Variants in EYS observed in about 807,000 individuals in gnomAD.
The protein encoded by EYS is protein eyes shut homolog.
Under a neutral mutation model 282.1 loss-of-function variants are expected in EYS, and 250 were observed. The observed-to-expected ratio is 0.89, with a 90% CI of 0.80 to 0.98. EYS has a LOEUF of 0.98. Ranked by LOEUF, EYS falls within the 50% of genes least tolerant of loss-of-function variation. The pLI, the probability that EYS is intolerant of heterozygous loss-of-function variation, is 0.00. For synonymous variants in EYS, 1,355 were observed against 1,282.9 expected (o/e 1.06, Z -1.20); for missense variants, 4,016 against 3,709.0 (o/e 1.08, Z -2.15).
intron 12 of EYS, among the ~76,000 whole-genome samples, chr6:65,285,697 T>C (rs547598370): frequency 7.9e-5 from 12 of 152,100 alleles, no homozygotes; most frequent in African/African-American, 2.9e-4. Context: ...TCAACAAATA[T>C]GACTGTATTA....
chr6:64,538,677 T>C (rs1309384860), intron 26 of EYS, among the ~76,000 whole-genome samples: 1 of 152,184 alleles, frequency 6.6e-6, no homozygotes, highest in Non-Finnish European at 1.5e-5. Context: ...CTAAGTGCAC[T>C]TATTGTGTCC....
At chr6:63,847,395 C>T (rs534031159) in intron 36 of EYS, among the ~76,000 whole-genome samples, 2 of 152,254 alleles carry the variant, frequency 1.3e-5, no homozygotes, top group Non-Finnish European at 2.9e-5. Flanking sequence ...TCTCCTCTTC[C>T]TTCCTCTCCC....
intron 8 of EYS, among the ~76,000 whole-genome samples, chr6:65,367,565 G>A (rs191535528): frequency 8.6e-5 from 13 of 151,438 alleles, no homozygotes; most frequent in Non-Finnish European, 1.6e-4. Context: ...TAATTTGAAT[G>A]AATTAATCTA....
At chr6:63,848,998 G>T (rs150972835) in intron 36 of EYS, among the ~76,000 whole-genome samples, 246 of 152,324 alleles carry the variant, frequency 1.6e-3, no homozygotes, top group African/African-American at 5.7e-3. Flanking sequence ...CTTCGTCGGA[G>T]GAGGAGGGTT....
At chr6:64,716,782 A>T (rs563554427) in intron 22 of EYS, among the ~76,000 whole-genome samples, 2 of 152,126 alleles carry the variant, frequency 1.3e-5, no homozygotes, top group East Asian at 1.9e-4. Context: ...TTTTCTTTTG[A>T]AAAACTCCAA....
intron 22 of EYS, among the ~76,000 whole-genome samples, chr6:64,766,965 A>G (rs2149982953): frequency 1.3e-5 from 2 of 151,970 alleles, no homozygotes; most frequent in South Asian, 4.2e-4. Flanking sequence ...TTTTAAGTCT[A>G]CAGATCATTG....
At chr6:64,463,107 C>T (rs769785440) in intron 26 of EYS, among the ~76,000 whole-genome samples, 15 of 151,776 alleles carry the variant, frequency 9.9e-5, no homozygotes, top group African/African-American at 1.9e-4. Context: ...CCACCACGCC[C>T]GGCTATTTAT....
chr6:64,690,263 C>G (rs936993446), intron 22 of EYS, among the ~76,000 whole-genome samples: 1 of 152,066 alleles, frequency 6.6e-6, no homozygotes, highest in African/African-American at 2.4e-5. Flanking sequence ...AAATGCAAAT[C>G]AAAACCACGA....
intron 5 of EYS, among the ~76,000 whole-genome samples, chr6:65,445,639 T>A (rs140183995): frequency 3.3e-5 from 5 of 151,906 alleles, no homozygotes; most frequent in African/African-American, 1.2e-4. Context: ...CATTGGTTAA[T>A]AAGATGTGTA....
intron 35 of EYS, among the ~76,000 whole-genome samples, chr6:63,891,737 G>C (rs1251459601): frequency 2.0e-5 from 3 of 152,088 alleles, no homozygotes; most frequent in African/African-American, 7.2e-5. Context: ...CTGGCCAGGG[G>C]AATCAGGCAA....
rs539551588 is a variant in EYS, at chr6:64,571,796, C to T, written c.5644+18427G>A. On this transcript the variant is annotated intron_variant, in intron 26 of 42. Coordinates refer to ENST00000503581, the MANE Select transcript of EYS (RefSeq NM_001142800.2). ...TGAGGCAGTAATTAATAGCCTACAA[C>T]GAAAAAATGCCCAGGATCAGATCGA... Among the ~76,000 whole-genome samples, 62 of 152,068 alleles carry T rather than the reference C, an allele frequency of 4.1e-4. 1 individual carries two copies. Among genetic ancestry groups the T allele is most frequent in the South Asian group, 2.7e-3 (13 of 4,820 alleles).
chr6:65,318,472 C>T (rs570819591), intron 11 of EYS, among the ~76,000 whole-genome samples: 2,306 of 147,630 alleles, frequency 0.016, 35 homozygotes, highest in African/African-American at 0.054. Flanking sequence ...TACTCGGAGG[C>T]AGGCAGGGTC....
chr6:64,797,156 T>C (rs146607038), intron 22 of EYS, among the ~76,000 whole-genome samples: 5 of 152,102 alleles, frequency 3.3e-5, no homozygotes, highest in Non-Finnish European at 7.4e-5. Context: ...ACATATGCTA[T>C]GCAGAGTTTG....
intron 33 of EYS, among the ~76,000 whole-genome samples, chr6:64,014,197 C>T (rs1562150961): frequency 6.6e-6 from 1 of 151,896 alleles, no homozygotes; most frequent in African/African-American, 2.4e-5. Flanking sequence ...AAGCAGATCA[C>T]TTTACCAAAA....
At chr6:64,467,748 G>T (rs902884973) in intron 26 of EYS, among the ~76,000 whole-genome samples, 13 of 152,114 alleles carry the variant, frequency 8.5e-5, no homozygotes, top group African/African-American at 1.4e-4. Flanking sequence ...GTATATGGAA[G>T]TATCATCCAG....
intron 33 of EYS, among the ~76,000 whole-genome samples, chr6:64,009,195 T>C (rs1768487489): frequency 6.6e-6 from 1 of 152,194 alleles, no homozygotes; most frequent in Non-Finnish European, 1.5e-5. Context: ...TTTGTCTGAC[T>C]GAGTTATTTT....
intron 22 of EYS, among the ~76,000 whole-genome samples, chr6:64,676,368 A>G (rs1438626524): frequency 4.0e-5 from 6 of 148,430 alleles, no homozygotes; most frequent in Admixed American, 3.4e-4. Flanking sequence ...AGAGAGGGAG[A>G]GAAAGAGGGA....
At chr6:64,606,065 T>C (rs573898628) in intron 24 of EYS, among the ~76,000 whole-genome samples, 52 of 152,032 alleles carry the variant, frequency 3.4e-4, no homozygotes, top group Non-Finnish European at 2.9e-4. Context: ...ATTTCTTTTC[T>C]GTGTTATAAT....
At chr6:64,620,832 T>C (rs911550093) in intron 23 of EYS, among the ~76,000 whole-genome samples, 3 of 152,154 alleles carry the variant, frequency 2.0e-5, no homozygotes, top group African/African-American at 7.2e-5. Flanking sequence ...AAACCAAAAA[T>C]TGTCATTAGC....
Sources: allele counts gnomAD v4.1 joint callset (sites outside exome capture counted in the v4.1 genomes callset), GRCh38; gene constraint gnomAD v4.1.1; transcripts MANE v1.5; gene names NCBI Gene and HGNC (gene_info 2026-07-23, HGNC 2026-07-21).